Variants in CDH18 observed in about 807,000 individuals in gnomAD.
The protein encoded by CDH18 is cadherin-18.
CDH18 carries 31 observed loss-of-function variants against 67.9 expected under a neutral mutation model. The observed-to-expected ratio is 0.46, with a 90% CI of 0.34 to 0.62. CDH18 has a LOEUF of 0.62. Ranked by LOEUF, CDH18 falls within the 20% of genes least tolerant of loss-of-function variation. CDH18 has a pLI of 0.01. For missense variants in CDH18, 890 were observed against 975.5 expected (o/e 0.91, Z 1.17); for synonymous variants, 362 against 347.2 (o/e 1.04, Z -0.48).
intron 2 of CDH18, among the ~76,000 whole-genome samples, chr5:19,865,145 G>A (rs780307615): frequency 4.6e-5 from 7 of 151,948 alleles, no homozygotes; most frequent in East Asian, 1.9e-4. Context: ...AAAATAAACC[G>A]TCTGCATGCA....
intron 2 of CDH18, among the ~76,000 whole-genome samples, chr5:20,124,081 G>T (rs1209924096): frequency 6.6e-6 from 1 of 152,092 alleles, no homozygotes; most frequent in African/African-American, 2.4e-5. Context: ...TCCCATGGGG[G>T]AAATCAAGTG....
At chr5:19,990,074 A>C (rs1375077614), upstream of CDH18, among the ~76,000 whole-genome samples, 2 of 152,192 alleles carry the variant, frequency 1.3e-5, no homozygotes, top group African/African-American at 4.8e-5. Flanking sequence ...ACAAATTCTT[A>C]ATTTATTTTT....
intron 1 of CDH18, among the ~76,000 whole-genome samples, chr5:20,414,339 CCTTAT>C: frequency 6.6e-6 from 1 of 152,254 alleles, no homozygotes; most frequent in South Asian, 2.1e-4. Flanking sequence ...AGTTGGGGGT[CCTTAT>C]CTTAAGTGAA....
chr5:20,001,469 A>T (rs1017318214), intron 2 of CDH18, among the ~76,000 whole-genome samples: 12 of 152,286 alleles, frequency 7.9e-5, no homozygotes, highest in Middle Eastern at 3.4e-3. Flanking sequence ...CTCAGAAAAA[A>T]ATGTATAGAG....
chr5:20,339,225 A>C (rs142542240), intron 1 of CDH18, among the ~76,000 whole-genome samples: 1 of 152,206 alleles, frequency 6.6e-6, no homozygotes, highest in African/African-American at 2.4e-5. Context: ...CTCAGACTCT[A>C]AAGAGAAAAT....
chr5:19,741,202 AT>A (rs1561196120), intron 4 of CDH18, among the ~76,000 whole-genome samples: 1 of 148,606 alleles, frequency 6.7e-6, no homozygotes, highest in African/African-American at 2.5e-5. Context: ...ATATATGTAT[AT>A]ATGTCATATA....
intron 5 of CDH18, among the ~76,000 whole-genome samples, chr5:19,709,374 C>A (rs1764404790): frequency 6.6e-6 from 1 of 152,036 alleles, no homozygotes; most frequent in Non-Finnish European, 1.5e-5. Flanking sequence ...TCGAGGCCAA[C>A]CTGATCAACA....
At chr5:19,657,152 C>A (rs1431796572) in intron 5 of CDH18, among the ~76,000 whole-genome samples, 1 of 152,050 alleles carries the variant, frequency 6.6e-6, no homozygotes, top group Non-Finnish European at 1.5e-5. Context: ...AACTTGTACT[C>A]TCTTGTGTCA....
At chr5:20,148,605 A>C (rs1396234913) in intron 2 of CDH18, among the ~76,000 whole-genome samples, 1 of 152,104 alleles carries the variant, frequency 6.6e-6, no homozygotes, top group Non-Finnish European at 1.5e-5. Context: ...CAAAAGTCCA[A>C]AGCACCATGT....
At chr5:20,220,440 C>G (rs1326657920) in intron 2 of CDH18, among the ~76,000 whole-genome samples, 1 of 151,878 alleles carries the variant, frequency 6.6e-6, no homozygotes, top group Non-Finnish European at 1.5e-5. Context: ...AAGAATAAAA[C>G]TAGAGCCCTA....
chr5:20,442,793 C>T (rs1749701104), intron 1 of CDH18, among the ~76,000 whole-genome samples: 1 of 151,748 alleles, frequency 6.6e-6, no homozygotes, highest in Non-Finnish European at 1.5e-5. Context: ...AATAATTTTG[C>T]CAAAGACTAG....
At chr5:20,031,807 C>G (rs184311118) in intron 2 of CDH18, among the ~76,000 whole-genome samples, 1 of 152,106 alleles carries the variant, frequency 6.6e-6, no homozygotes, top group East Asian at 1.9e-4. Context: ...AAGCAATTGA[C>G]ACTTAAAGAT....
Position 20,470,670 on chromosome 5 carries a change from T to A in CDH18, c.-580+104792A>T, listed in dbSNP as rs1259762886. The stretch of plus-strand genomic sequence containing the variant: ...CTGTGCAGTTATCAAAGCCCACTCA[T>A]CAGGGCTTCCGTCTCTATGCAATAG... On this transcript the variant is annotated intron_variant, in intron 1 of 14. Transcript: ENST00000507958. Among the ~76,000 whole-genome samples the A allele has an allele frequency of 2.0e-5, 3 of 152,198 alleles. No homozygotes were observed. The East Asian group carries it at 5.8e-4, about 29-fold the overall frequency.
At chr5:19,742,721 A>T (rs1769375963) in intron 4 of CDH18, among the ~76,000 whole-genome samples, 1 of 151,504 alleles carries the variant, frequency 6.6e-6, no homozygotes, top group East Asian at 1.9e-4. Context: ...CTCTCAGCAC[A>T]TAAAGTGCAT....
At chr5:20,371,699 T>C (rs1463335317) in intron 1 of CDH18, among the ~76,000 whole-genome samples, 5 of 152,106 alleles carry the variant, frequency 3.3e-5, no homozygotes, top group South Asian at 4.1e-4. Flanking sequence ...GCAGGTTCAG[T>C]AGAGCGGGAG....
intron 2 of CDH18, among the ~76,000 whole-genome samples, chr5:20,023,979 A>G (rs1041608788): frequency 1.3e-5 from 2 of 152,212 alleles, no homozygotes; most frequent in African/African-American, 4.8e-5. Flanking sequence ...TTGCTGCAGT[A>G]GAGTCTGGGA....
chr5:19,790,802 G>A (rs753518536), intron 3 of CDH18, among the ~76,000 whole-genome samples: 1 of 152,138 alleles, frequency 6.6e-6, no homozygotes, highest in Admixed American at 6.6e-5. Flanking sequence ...AGTGTTTCAG[G>A]TGAAAAATGA....
intron 1 of CDH18, among the ~76,000 whole-genome samples, chr5:20,507,138 G>T (rs563004466): frequency 4.6e-5 from 7 of 152,212 alleles, no homozygotes; most frequent in Non-Finnish European, 1.0e-4. Flanking sequence ...TATCTTGGAA[G>T]TTGATTCTCC....
At chr5:19,573,088 T>A (rs527251168) in intron 7 of CDH18, among the ~76,000 whole-genome samples, 4 of 152,136 alleles carry the variant, frequency 2.6e-5, no homozygotes, top group Admixed American at 1.3e-4. Flanking sequence ...AAAATATGTA[T>A]CTTTATATCT....
Sources: gnomAD v4.1 joint callset for allele counts (sites outside exome capture counted in the v4.1 genomes callset) on GRCh38, gnomAD v4.1.1 for gene constraint, MANE v1.5 for transcripts, NCBI Gene and HGNC (gene_info 2026-07-23, HGNC 2026-07-21) for gene names.